The following HERC3 variants were observed in gnomAD, a reference collection of about 807,000 sequenced individuals.
HERC3 encodes HECT and RLD domain containing E3 ubiquitin protein ligase 3.
A neutral mutation model predicts 129.9 loss-of-function variants in HERC3; 58 were observed. The observed-to-expected ratio is 0.45, with a 90% CI of 0.36 to 0.56. The LOEUF (loss-of-function observed/expected upper bound fraction) is 0.56. Ranked by LOEUF, HERC3 falls within the 20% of genes least tolerant of loss-of-function variation. The pLI is 0.00. For synonymous variants in HERC3, 430 were observed against 451.0 expected (o/e 0.95, Z 0.59); for missense variants, 835 against 1,244.2 (o/e 0.67, Z 4.95).
In HERC3 at chr4:88,649,895, C is replaced by T. The variant is rs865823129; in HGVS notation, c.282C>T (p.Ser94=). ...QHIIHVACGE[S]HSLALSDRGQ... ...TCATTCATGTGGCATGTGGCGAGTC[C>T]CACAGTCTGGCCCTCAGTGACCGAG... Residue 94 remains serine, a synonymous_variant, in exon 4 of 26, where the codon TCC becomes TCT. Coordinates refer to ENST00000402738, the MANE Select transcript of HERC3 (RefSeq NM_014606.3). 8.7e-6 allele frequency: 14 copies of T among 1,613,998 alleles called. No individual in the cohort carries two copies. The highest frequency in any genetic ancestry group is 1.2e-5 in the Non-Finnish European group (14 of 1,180,000).
At chr4:88,644,227 C>A (rs1469460314) in intron 3 of HERC3, among the ~76,000 whole-genome samples, 1 of 152,020 alleles carries the variant, frequency 6.6e-6, no homozygotes, top group Non-Finnish European at 1.5e-5. Context: ...CAGGTTTTTT[C>A]TTTCTTTTTT....
intron 3 of HERC3, among the ~76,000 whole-genome samples, chr4:88,632,346 A>C (rs1412462550): frequency 1.3e-5 from 2 of 152,236 alleles, no homozygotes; most frequent in Non-Finnish European, 2.9e-5. Flanking sequence ...CAGAAGACCC[A>C]GAATCTTGTA....
intron 18 of HERC3, among the ~76,000 whole-genome samples, chr4:88,676,680 C>A (rs899891565): frequency 6.6e-6 from 1 of 152,188 alleles, no homozygotes; most frequent in Non-Finnish European, 1.5e-5. Flanking sequence ...GTCTCTGTTA[C>A]AACTATTCAA....
intron 25 of HERC3, among the ~76,000 whole-genome samples, chr4:88,704,863 C>CTTTTTTTTTTTTTTTTTTTTT (rs1165694315): frequency 3.1e-5 from 4 of 130,666 alleles, no homozygotes; most frequent in African/African-American, 9.0e-5. Context: ...TTCTTTCTTT[C>CTTTTTTTTTTTTTTTTTTTTT]TTTTTTTTTT....
intron 3 of HERC3, among the ~76,000 whole-genome samples, chr4:88,613,247 C>G (rs949812516): frequency 1.3e-5 from 2 of 152,074 alleles, no homozygotes; most frequent in Non-Finnish European, 2.9e-5. Context: ...ATAGCAGAGC[C>G]CAAGGGTAAC....
In HERC3 at chr4:88,678,046, T is replaced by C; in HGVS notation, c.2108T>C (p.Val703Ala). Reference sequence around the variant, plus strand: ...CTGCTGGCCAGAAGCCCCTTCCTGGTCCTTCACGTTCGCAGGAACAACCTT... The same window carrying C: ...CTGCTGGCCAGAAGCCCCTTCCTGGCCCTTCACGTTCGCAGGAACAACCTT... Reference protein sequence around the residue: ...EPLLARSPFLVLHVRRNNLVG... With the variant: ...EPLLARSPFLALHVRRNNLVG... The change falls in exon 19 of 26, where the codon GTC becomes GCC. Residue 703 changes from valine to alanine, a missense_variant. Physicochemically the swap from Val to Ala is moderately conservative, Grantham distance 64. Transcript: ENST00000402738. The C allele has an allele frequency of 6.2e-7, 1 of 1,613,968 alleles. No homozygotes were observed. Among genetic ancestry groups the C allele is most frequent in the Non-Finnish European group, 8.5e-7 (1 of 1,179,934 alleles).
chr4:88,543,925 T>C, the HERC3 span, among the ~76,000 whole-genome samples: 2 of 152,292 alleles, frequency 1.3e-5, no homozygotes, highest in South Asian at 4.1e-4. Context: ...TAACTCAAGA[T>C]GGATTAAAGA....
chr4:88,641,238 A>C lies in HERC3; in HGVS notation c.227-8602A>C, dbSNP rs539306115. 3.9e-5 allele frequency among the ~76,000 whole-genome samples: 6 copies of C among 152,338 alleles called. No individual in the cohort carries two copies. The South Asian group carries it at 1.2e-3, about 32-fold the overall frequency. ...GAGTCAAAGAGGAAGTCTCAAGGGA[A>C]ATCTAAAAATATTTTGAACTGAACG... On this transcript the variant is annotated intron_variant, in intron 3 of 25. Transcript: ENST00000402738.
Position 88,667,993 on chromosome 4 carries a change from A to T in HERC3, c.1545A>T (p.Leu515=). 4 of 1,612,572 alleles carry T rather than the reference A, an allele frequency of 2.5e-6. No homozygotes were observed. The highest frequency in any genetic ancestry group is 3.4e-6 in the Non-Finnish European group (4 of 1,178,724). Residue 515 remains leucine (L), a synonymous_variant, in exon 14 of 26, where the codon CTA becomes CTT. Transcript: ENST00000402738. ...ATTTAATACTACCTGAGTTTCCCCT[A>T]CTCCAGGATTCCAAGTATTATATAA... ...RIYLILPEFP[L]LQDSKYYITL...
At chr4:88,586,343 CTTT>C in the HERC3 span, among the ~76,000 whole-genome samples, 1 of 142,540 alleles carries the variant, frequency 7.0e-6, no homozygotes, top group Non-Finnish European at 1.5e-5. Flanking sequence ...GAATAAGCCA[CTTT>C]TTTTTTTTTT....
At chr4:88,623,619 A>G (rs1725778923) in intron 3 of HERC3, among the ~76,000 whole-genome samples, 1 of 151,968 alleles carries the variant, frequency 6.6e-6, no homozygotes, top group African/African-American at 2.4e-5. Flanking sequence ...CTTTTATTAC[A>G]CTATTGTGAT....
chr4:88,662,410 C>T (rs1401415088), intron 10 of HERC3, 21 bp from the exon 11 acceptor site: 4 of 1,592,816 alleles, frequency 2.5e-6, no homozygotes, highest in South Asian at 2.3e-5. Flanking sequence ...CTTCTTTTTA[C>T]TGTTACATTT....
At chr4:88,595,376 T>C (rs1722252902) in intron 1 of HERC3, among the ~76,000 whole-genome samples, 181 bp from the exon 2 acceptor site, 1 of 152,198 alleles carries the variant, frequency 6.6e-6, no homozygotes, top group Admixed American at 6.5e-5. Flanking sequence ...GGTTAGAGGT[T>C]ATCTTACTGG....
chr4:88,575,466 T>A, the HERC3 span, among the ~76,000 whole-genome samples: 1 of 152,172 alleles, frequency 6.6e-6, no homozygotes, highest in Non-Finnish European at 1.5e-5. Flanking sequence ...CCATCTAAAA[T>A]AGAAGTCAGT....
At chr4:88,644,285 G>A (rs1349024206) in intron 3 of HERC3, among the ~76,000 whole-genome samples, 1 of 151,968 alleles carries the variant, frequency 6.6e-6, no homozygotes, top group Admixed American at 6.6e-5. Context: ...TCACACCTGG[G>A]TATTTACTCC....
intron 3 of HERC3, among the ~76,000 whole-genome samples, chr4:88,641,898 A>G (rs1471001782): frequency 6.6e-6 from 1 of 152,150 alleles, no homozygotes; most frequent in Non-Finnish European, 1.5e-5. Context: ...TGGGCAGGAC[A>G]CTTGAGACCA....
At chr4:88,573,777 A>T in the HERC3 span, among the ~76,000 whole-genome samples, 1 of 152,106 alleles carries the variant, frequency 6.6e-6, no homozygotes, top group East Asian at 1.9e-4. Context: ...CAGTGAAAAG[A>T]CCTGTGATGG....
At chr4:88,538,399 T>C in the HERC3 span, among the ~76,000 whole-genome samples, 1 of 152,144 alleles carries the variant, frequency 6.6e-6, no homozygotes, top group Non-Finnish European at 1.5e-5. Context: ...ACAACAGAAT[T>C]TGTTTTCTGA....
chr4:88,561,774 C>T, the HERC3 span, among the ~76,000 whole-genome samples: 2 of 151,916 alleles, frequency 1.3e-5, no homozygotes, highest in African/African-American at 4.8e-5. Flanking sequence ...TTTGTCTTTC[C>T]ATGCCTGGTT....
Sources: gnomAD v4.1 joint callset for allele counts (sites outside exome capture counted in the v4.1 genomes callset) on GRCh38, gnomAD v4.1.1 for gene constraint, MANE v1.5 for transcripts, NCBI Gene and HGNC (gene_info 2026-07-23, HGNC 2026-07-21) for gene names.